The following ROBO1 variants were observed in gnomAD, a reference collection of about 807,000 sequenced individuals.
The protein encoded by ROBO1 is roundabout homolog 1.
ROBO1 carries 149 observed loss-of-function variants against 195.9 expected under a neutral mutation model. The observed-to-expected ratio is 0.76, with a 90% CI of 0.67 to 0.87. ROBO1 has a LOEUF of 0.87. ROBO1 is among the 40% of genes least tolerant of loss of function. The pLI is 0.00. For synonymous variants in ROBO1, 816 were observed against 733.2 expected, an observed-to-expected ratio of 1.11 and a Z score of -1.82; for missense variants, 1,933 against 2,068.3, an observed-to-expected ratio of 0.93 and a Z score of 1.27.
At chr3:79,449,182 T>C (rs2039365184) in intron 2 of ROBO1, among the ~76,000 whole-genome samples, 1 of 151,992 alleles carries the variant, frequency 6.6e-6, no homozygotes, top group Non-Finnish European at 1.5e-5. Context: ...TAGTGAGCCA[T>C]GATCGGGCCA....
intron 2 of ROBO1, chr3:79,507,857 T>A (rs1247033980): frequency 6.5e-6 from 1 of 154,750 alleles, no homozygotes; most frequent in Non-Finnish European, 1.5e-5. Flanking sequence ...TATCAGGTGT[T>A]GAAAGAGATA....
intron 2 of ROBO1, among the ~76,000 whole-genome samples, chr3:79,394,206 A>G (rs1201484630): frequency 5.9e-5 from 9 of 152,148 alleles, no homozygotes; most frequent in Non-Finnish European, 1.0e-4. Flanking sequence ...AGAGTAGACT[A>G]GTTTGTATGT....
chr3:79,247,862 A>G (rs2082652696), intron 2 of ROBO1, among the ~76,000 whole-genome samples: 1 of 152,140 alleles, frequency 6.6e-6, no homozygotes, highest in South Asian at 2.1e-4. Flanking sequence ...AAAGTCCCAG[A>G]CACAGAATAA....
chr3:79,178,106 G>T (rs2081285579), intron 2 of ROBO1, among the ~76,000 whole-genome samples: 1 of 152,164 alleles, frequency 6.6e-6, no homozygotes, highest in Admixed American at 6.5e-5. Flanking sequence ...TTAGTTGCCT[G>T]CTCATATGTA....
chr3:78,675,703 A>T (rs972946636), intron 10 of ROBO1, among the ~76,000 whole-genome samples: 2 of 152,192 alleles, frequency 1.3e-5, no homozygotes, highest in Admixed American at 6.5e-5. Context: ...ACCACAGCTC[A>T]AGGAGGCCTG....
chr3:79,019,742 G>A (rs1486519443), intron 3 of ROBO1, among the ~76,000 whole-genome samples: 1 of 151,956 alleles, frequency 6.6e-6, no homozygotes, highest in Non-Finnish European at 1.5e-5. Context: ...TTCTCCAAAT[G>A]GAACCTCCCA....
intron 2 of ROBO1, among the ~76,000 whole-genome samples, chr3:79,136,177 T>C (rs1414099166): frequency 6.6e-6 from 1 of 152,178 alleles, no homozygotes; most frequent in Non-Finnish European, 1.5e-5. Flanking sequence ...AGTATTATAT[T>C]GTGGAAATGT....
chr3:78,716,709 C>T (rs527511000), intron 7 of ROBO1, among the ~76,000 whole-genome samples: 28 of 152,286 alleles, frequency 1.8e-4, no homozygotes, highest in African/African-American at 6.7e-4. Context: ...CACATGTTTG[C>T]TGAAGGAGTG....
intron 1 of ROBO1, among the ~76,000 whole-genome samples, chr3:79,705,696 G>A (rs1346385137): frequency 2.0e-5 from 3 of 152,158 alleles, no homozygotes; most frequent in South Asian, 2.1e-4. Flanking sequence ...CCTAGAATAA[G>A]TTTGAGAATA....
At chr3:78,933,399 T>C (rs1226479597) in intron 4 of ROBO1, among the ~76,000 whole-genome samples, 1 of 152,164 alleles carries the variant, frequency 6.6e-6, no homozygotes, top group Non-Finnish European at 1.5e-5. Context: ...GTGTCTTTTC[T>C]CTTAATGTAT....
chr3:79,584,810 C>G (rs1172282895), intron 2 of ROBO1, among the ~76,000 whole-genome samples: 1 of 151,538 alleles, frequency 6.6e-6, no homozygotes, highest in Non-Finnish European at 1.5e-5. Flanking sequence ...ACACCTGGCA[C>G]TAGCTCATTT....
chr3:79,083,717 A>C (rs1258522240), intron 3 of ROBO1, among the ~76,000 whole-genome samples: 1 of 152,198 alleles, frequency 6.6e-6, no homozygotes, highest in African/African-American at 2.4e-5. Flanking sequence ...ACTGTAAATG[A>C]AAAGAAGACT....
chr3:79,328,354 C>A (rs1194969445), intron 2 of ROBO1, among the ~76,000 whole-genome samples: 2 of 152,092 alleles, frequency 1.3e-5, no homozygotes, highest in African/African-American at 4.8e-5. Flanking sequence ...TCAGTAAGAA[C>A]ATTCGCTAAA....
chr3:78,626,136 G>A (rs755296799), intron 26 of ROBO1, among the ~76,000 whole-genome samples: 1 of 151,804 alleles, frequency 6.6e-6, no homozygotes. Flanking sequence ...TAAGACAAGG[G>A]AACAAAAAAA....
intron 2 of ROBO1, among the ~76,000 whole-genome samples, chr3:79,496,545 G>A (rs1481255395): frequency 2.0e-5 from 3 of 147,994 alleles, no homozygotes; most frequent in Non-Finnish European, 3.0e-5. Context: ...CACCGCGCCC[G>A]GCTAATTTTT....
intron 2 of ROBO1, among the ~76,000 whole-genome samples, chr3:79,341,319 A>T (rs914062176): frequency 6.2e-4 from 95 of 152,334 alleles, no homozygotes; most frequent in African/African-American, 2.3e-3. Context: ...ACTAACATTC[A>T]TACATTAGCA....
intron 3 of ROBO1, among the ~76,000 whole-genome samples, chr3:78,985,451 A>G (rs1008898151): frequency 6.6e-6 from 1 of 152,170 alleles, no homozygotes. Context: ...TTACATTTTC[A>G]AGGAGTCAAA....
chr3:78,737,651 C>T (rs893602962), intron 5 of ROBO1, among the ~76,000 whole-genome samples: 1 of 152,006 alleles, frequency 6.6e-6, no homozygotes. Flanking sequence ...AATGCCCAAG[C>T]CTATGCTTTG....
Position 79,490,290 on chromosome 3 carries a change from T to C in ROBO1, c.88+99534A>G, listed in dbSNP as rs1939384977. ...TATACTCTGGGCTTCAGTCAAACCT[T>C]AGCCTTTGTCATCCCCATGGACTCA... On this transcript the variant is annotated intron_variant, in intron 2 of 30. Coordinates refer to ENST00000464233, the MANE Select transcript of ROBO1 (RefSeq NM_002941.4). 2.6e-5 allele frequency among the ~76,000 whole-genome samples: 4 copies of C among 152,204 alleles called. No homozygotes were observed. In the South Asian group the frequency reaches 8.3e-4, roughly 31 times the overall value.
Sources: gnomAD v4.1 joint callset for allele counts (sites outside exome capture counted in the v4.1 genomes callset) on GRCh38, gnomAD v4.1.1 for gene constraint, MANE v1.5 for transcripts, NCBI Gene and HGNC (gene_info 2026-07-23, HGNC 2026-07-21) for gene names.